Variants in PAM observed in about 807,000 individuals in gnomAD.
The protein encoded by PAM is peptidyl-glycine alpha-amidating monooxygenase.
In PAM, 72 loss-of-function variants were observed where a neutral mutation model predicts 122.1. The ratio of observed to expected loss-of-function variants is 0.59; its 90% CI spans 0.49 to 0.72. The LOEUF is 0.72. PAM is among the 30% of genes least tolerant of loss of function. The probability of loss-of-function intolerance (pLI) is 0.00; values close to 1 mark genes in which losing one functional copy is unlikely to be tolerated. For synonymous variants in PAM, 389 were observed against 404.4 expected, an observed-to-expected ratio of 0.96 and a Z score of 0.46; for missense variants, 1,106 against 1,183.7, an observed-to-expected ratio of 0.93 and a Z score of 0.96.
intron 14 of PAM, among the ~76,000 whole-genome samples, chr5:102,969,203 A>G (rs575436665): frequency 9.9e-5 from 15 of 152,042 alleles, no homozygotes; most frequent in Non-Finnish European, 2.1e-4. Context: ...AAACCTGCAC[A>G]TTCTGCACAT....
chr5:102,802,341 C>T (rs1694649213), intron 1 of PAM, among the ~76,000 whole-genome samples: 1 of 152,084 alleles, frequency 6.6e-6, no homozygotes, highest in Admixed American at 6.5e-5. Context: ...TAAAGTTAAT[C>T]AACTCTTGGG....
At chr5:102,841,645 G>A (rs1778663912) in intron 1 of PAM, among the ~76,000 whole-genome samples, 1 of 152,122 alleles carries the variant, frequency 6.6e-6, no homozygotes, top group Non-Finnish European at 1.5e-5. Flanking sequence ...GAACATAAAT[G>A]AAGAGTTGCA....
At chr5:102,830,519 T>G (rs1457967725) in intron 1 of PAM, among the ~76,000 whole-genome samples, 4 of 152,218 alleles carry the variant, frequency 2.6e-5, no homozygotes, top group African/African-American at 2.4e-5. Flanking sequence ...TCCATGACTC[T>G]CCTCTTACTA....
intron 1 of PAM, among the ~76,000 whole-genome samples, chr5:102,805,572 G>A (rs1390805144): frequency 1.3e-5 from 2 of 152,150 alleles, no homozygotes; most frequent in African/African-American, 2.4e-5. Context: ...CTCCAGGTCC[G>A]TTTCTAACCT....
At position 102,889,959 on chromosome 5, in the gene PAM, G is replaced by T. The variant is rs1306792347; in HGVS notation, c.211-11397G>T. On this transcript the variant is annotated intron_variant, in intron 3 of 25. Transcript: ENST00000438793. ...AGATTCTAAAGTTTCTGAGTGAAAA[G>T]AGTATTTTTATATCTATTTTTATGC... 3.3e-5 allele frequency among the ~76,000 whole-genome samples: 5 copies of T among 151,920 alleles called. No individual in the cohort carries two copies. In the South Asian group the frequency reaches 6.2e-4, roughly 19 times the overall value.
chr5:102,793,312 C>T (rs1447662870), intron 1 of PAM, among the ~76,000 whole-genome samples: 7 of 151,866 alleles, frequency 4.6e-5, no homozygotes, highest in Non-Finnish European at 7.4e-5. Flanking sequence ...TCCCTTGAGC[C>T]CAGGAGTTTG....
At position 102,925,026 on chromosome 5, in the gene PAM, T is replaced by C. The variant is rs754653876; in HGVS notation, c.426T>C (p.Pro142=). Reference sequence around the variant, plus strand: ...ATGCCTGGGCGAGAAATGCTCCCCCTACCCGGCTCCCCAAAGGTATGTCAG... The same window carrying C: ...ATGCCTGGGCGAGAAATGCTCCCCCCACCCGGCTCCCCAAAGGTATGTCAG... The part of the protein sequence containing the change: ...ILYAWARNAP[P]TRLPKGVGFR... The change falls in exon 6 of 26, where the codon CCT becomes CCC. Residue 142 remains proline (P), a synonymous_variant. Coordinates refer to ENST00000438793, the MANE Select transcript of PAM (RefSeq NM_001177306.2). The C allele has an allele frequency of 7.0e-6, 11 of 1,571,206 alleles. No homozygotes were observed. The South Asian group carries it at 1.2e-4, about 17-fold the overall frequency.
upstream of PAM, chr5:102,754,912 A>T (rs1423504696): frequency 6.6e-6 from 1 of 152,320 alleles, no homozygotes; most frequent in Non-Finnish European, 1.5e-5. Flanking sequence ...CACTTGGGCA[A>T]GAGTTCCAGC....
At chr5:102,922,881 G>A (rs1747940975) in intron 5 of PAM, among the ~76,000 whole-genome samples, 1 of 152,140 alleles carries the variant, frequency 6.6e-6, no homozygotes, top group Non-Finnish European at 1.5e-5. Flanking sequence ...CTGAGGCCAG[G>A]AAGGAAAATT....
intron 1 of PAM, among the ~76,000 whole-genome samples, chr5:102,815,356 A>G (rs1769440101): frequency 1.3e-5 from 2 of 152,170 alleles, no homozygotes; most frequent in Admixed American, 6.5e-5. Context: ...GGAGGAGGTA[A>G]AGAAGCAGCA....
intron 1 of PAM, among the ~76,000 whole-genome samples, chr5:102,785,458 C>T (rs1760260844): frequency 6.6e-6 from 1 of 152,024 alleles, no homozygotes; most frequent in South Asian, 2.1e-4. Flanking sequence ...GGTAAGGCAA[C>T]CTGTTAGAGC....
intron 15 of PAM, among the ~76,000 whole-genome samples, chr5:102,984,436 A>T (rs750969617): frequency 6.6e-6 from 1 of 152,220 alleles, no homozygotes; most frequent in Non-Finnish European, 1.5e-5. Flanking sequence ...ACGAGTAGCT[A>T]TAGTTGTATC....
At chr5:102,787,939 A>G (rs1242155623) in intron 1 of PAM, among the ~76,000 whole-genome samples, 1 of 152,012 alleles carries the variant, frequency 6.6e-6, no homozygotes, top group East Asian at 1.9e-4. Flanking sequence ...ATTATTGGCA[A>G]ATTTGGCAAA....
chr5:102,780,013 G>A (rs916897544), intron 1 of PAM, among the ~76,000 whole-genome samples: 4 of 149,380 alleles, frequency 2.7e-5, no homozygotes, highest in Non-Finnish European at 3.0e-5. Context: ...CCAAAAATTT[G>A]GAGAGTTCCA....
intron 18 of PAM, among the ~76,000 whole-genome samples, chr5:103,005,465 A>AC (rs1401009994): frequency 6.6e-6 from 1 of 152,176 alleles, no homozygotes; most frequent in Non-Finnish European, 1.5e-5. Flanking sequence ...GAATTCAAGA[A>AC]CAGGGTGCCA....
At chr5:102,999,152 T>C (rs1380299673) in intron 16 of PAM, among the ~76,000 whole-genome samples, 1 of 152,202 alleles carries the variant, frequency 6.6e-6, no homozygotes, top group African/African-American at 2.4e-5. Context: ...CATGATTCAA[T>C]TACTTTCTAC....
chr5:102,883,118 C>T (rs555456747), intron 3 of PAM, among the ~76,000 whole-genome samples: 24 of 151,572 alleles, frequency 1.6e-4, no homozygotes, highest in South Asian at 6.2e-4. Context: ...TTGGTGAGTA[C>T]GGCCTCATAG....
At chr5:102,798,977 T>C (rs74659164) in intron 1 of PAM, among the ~76,000 whole-genome samples, 6,478 of 152,260 alleles carry the variant, frequency 0.043, 479 homozygotes, top group African/African-American at 0.15. Context: ...AATTAATGTA[T>C]ATGAATCTGC....
intron 3 of PAM, among the ~76,000 whole-genome samples, chr5:102,874,187 C>T (rs919178591): frequency 6.6e-6 from 1 of 152,046 alleles, no homozygotes; most frequent in Non-Finnish European, 1.5e-5. Context: ...ATTCTTTTTT[C>T]CCTTTCTATT....
Sources: gnomAD v4.1 joint callset for allele counts (sites outside exome capture counted in the v4.1 genomes callset) on GRCh38, gnomAD v4.1.1 for gene constraint, MANE v1.5 for transcripts, NCBI Gene and HGNC (gene_info 2026-07-23, HGNC 2026-07-21) for gene names.